The following XKRX variants were observed in gnomAD, a reference collection of about 807,000 sequenced individuals.
XKRX encodes XK-related protein 2.
In XKRX, 11 loss-of-function variants were observed where a neutral mutation model predicts 22.4. The observed-to-expected ratio is 0.49, with a 90% CI of 0.31 to 0.81. The LOEUF (loss-of-function observed/expected upper bound fraction) is 0.81. Ranked by LOEUF, XKRX falls within the 40% of genes least tolerant of loss-of-function variation. The pLI is 0.05. For missense variants in XKRX, 320 were observed against 336.5 expected, an observed-to-expected ratio of 0.95 and a Z score of 0.38; for synonymous variants, 114 against 132.2, an observed-to-expected ratio of 0.86 and a Z score of 0.94.
At chrX:100,897,006 C>T in the XKRX span, among the ~76,000 whole-genome samples, 1 of 111,510 alleles carries the variant, frequency 9.0e-6, no homozygotes, top group Non-Finnish European at 1.9e-5. Flanking sequence ...GACCGTACAT[C>T]CCTAATGATA....
At chrX:100,943,205 CCATAAA>C in the XKRX span, among the ~76,000 whole-genome samples, 385 of 111,737 alleles carry the variant, frequency 3.4e-3, 1 homozygote, top group Non-Finnish European at 6.3e-3. Flanking sequence ...TATGCATGTA[CCATAAA>C]CATAAATATT....
chrX:100,917,356 C>T (rs892931506), intron 2 of XKRX, among the ~76,000 whole-genome samples: 1 of 109,151 alleles, frequency 9.2e-6, no homozygotes, highest in African/African-American at 3.3e-5. Flanking sequence ...GTGGCTCACA[C>T]CTGTAATCCC....
the XKRX span, among the ~76,000 whole-genome samples, chrX:100,896,225 C>T: frequency 2.7e-5 from 3 of 111,643 alleles, no homozygotes; most frequent in Admixed American, 2.9e-4. Flanking sequence ...AGAGCAATCT[C>T]ACTTCCTGGA....
At chrX:100,957,882 G>A in the XKRX span, among the ~76,000 whole-genome samples, 1 of 111,410 alleles carries the variant, frequency 9.0e-6, no homozygotes, top group East Asian at 2.8e-4. Flanking sequence ...GGAATGTGCT[G>A]GGCTGCTGTT....
rs769704465 is a variant in XKRX at position 100,921,824 on chromosome X, C to CTT, written c.604+967_604+968dup. 8.5e-3 allele frequency among the ~76,000 whole-genome samples: 476 copies of CTT among 56,310 alleles called. 67 individuals carry two copies. The highest frequency in any genetic ancestry group is 0.012 in the Non-Finnish European group (381 of 31,909). 48.9% of individuals were successfully genotyped at this position (56,310 alleles called of 115,157 possible). ...GACTCTCATTAGTATTAACCCCACG[C>CTT]TTTTTTTTTTTTTTTTTTTTTTTTT... On this transcript the variant is annotated intron_variant, in intron 2 of 2. Coordinates refer to ENST00000372956, the MANE Select transcript of XKRX (RefSeq NM_212559.3).
rs762319717 is a variant in XKRX at position 100,928,261 on chromosome X, G to A, written c.44C>T (p.Pro15Leu). 2.5e-6 allele frequency: 3 copies of A among 1,211,159 alleles called. No homozygotes were observed. Among genetic ancestry groups the A allele is most frequent in the Non-Finnish European group, 3.4e-6 (3 of 895,420 alleles). ...YEIPEEPNVDPVSSLEEDVIR... is the reference protein window; with the variant it reads ...YEIPEEPNVDLVSSLEEDVIR... The stretch of plus-strand genomic sequence containing the variant: ...GACATCTTCCTCCAGAGATGAAACC[G>A]GATCCACATTTGGCTCCTCAGGAAT... Residue 15 changes from proline (P) to leucine (L), a missense_variant, in exon 1 of 3, where the codon CCG (proline) becomes CTG (leucine). Pro to Leu is a moderately conservative substitution (Grantham distance 98, BLOSUM62 -3). Coordinates refer to ENST00000372956, the MANE Select transcript of XKRX (RefSeq NM_212559.3).
At chrX:100,896,948 A>G in the XKRX span, among the ~76,000 whole-genome samples, 1 of 112,485 alleles carries the variant, frequency 8.9e-6, no homozygotes, top group Non-Finnish European at 1.9e-5. Context: ...AGTTGGTGGC[A>G]TAATCATACA....
the XKRX span, among the ~76,000 whole-genome samples, chrX:100,940,687 G>T: frequency 9.0e-6 from 1 of 111,251 alleles, no homozygotes; most frequent in Admixed American, 9.7e-5. Flanking sequence ...TCAAAATACT[G>T]ATTTCTTAGG....
chrX:100,887,957 A>G, the XKRX span: 2 of 1,083,765 alleles, frequency 1.8e-6, no homozygotes, highest in Non-Finnish European at 2.5e-6. Context: ...CAAAGTTGTC[A>G]TTCCCACAGA....
chrX:100,891,683 G>T, the XKRX span, among the ~76,000 whole-genome samples: 32 of 106,517 alleles, frequency 3.0e-4, no homozygotes, highest in African/African-American at 1.0e-3. Flanking sequence ...TTGAGCCCAG[G>T]AGTTTGAGAC....
chrX:100,889,159 G>A, the XKRX span, among the ~76,000 whole-genome samples: 2 of 106,116 alleles, frequency 1.9e-5, no homozygotes, highest in Non-Finnish European at 3.9e-5. Context: ...GGAATTGCTT[G>A]AACCCGGGAG....
downstream of XKRX, among the ~76,000 whole-genome samples, chrX:100,909,389 A>G (rs1347120493): frequency 1.8e-5 from 2 of 111,842 alleles, no homozygotes. Context: ...TGAAACCACT[A>G]ACACATTAAA....
chrX:100,922,769 C>T (rs754384910), intron 2 of XKRX, 24 bp downstream of exon 2: 2 of 1,196,138 alleles, frequency 1.7e-6, no homozygotes, highest in Non-Finnish European at 2.3e-6. Flanking sequence ...AACTGGAGCC[C>T]TCCCCTCTCC....
the XKRX span, among the ~76,000 whole-genome samples, chrX:100,905,696 A>G: frequency 8.7e-3 from 975 of 112,400 alleles, 9 homozygotes; most frequent in African/African-American, 0.029. Flanking sequence ...ACAAATAAAC[A>G]TAAGTTTCAT....
At chrX:100,892,281 A>G in the XKRX span, among the ~76,000 whole-genome samples, 1 of 112,025 alleles carries the variant, frequency 8.9e-6, no homozygotes, top group Non-Finnish European at 1.9e-5. Flanking sequence ...ATAATAATTT[A>G]ATTGTATAAG....
the XKRX span, among the ~76,000 whole-genome samples, chrX:100,946,527 G>A: frequency 8.9e-6 from 1 of 111,846 alleles, no homozygotes; most frequent in Non-Finnish European, 1.9e-5. Context: ...TATCTACAAA[G>A]GTGTGGGCAG....
chrX:100,927,549 G>A (rs1206889781), intron 1 of XKRX, among the ~76,000 whole-genome samples: 1 of 111,315 alleles, frequency 9.0e-6, no homozygotes, highest in Non-Finnish European at 1.9e-5. Flanking sequence ...TGAGGTGGGA[G>A]GTTCGCTTGA....
chrX:100,894,336 TAC>T, the XKRX span, among the ~76,000 whole-genome samples: 1 of 112,211 alleles, frequency 8.9e-6, no homozygotes, highest in African/African-American at 3.2e-5. Context: ...TCACAATACA[TAC>T]AGATATCAAA....
At chrX:100,913,383 T>TACACACACACAC (rs56001687), downstream of XKRX, 135 of 92,368 alleles carry the variant, frequency 1.5e-3, no homozygotes, top group African/African-American at 5.0e-3. Flanking sequence ...CACATACACA[T>TACACACACACAC]ACACACACAC....
Sources: allele counts gnomAD v4.1 joint callset (sites outside exome capture counted in the v4.1 genomes callset), GRCh38; gene constraint gnomAD v4.1.1; transcripts MANE v1.5; gene names NCBI Gene and HGNC (gene_info 2026-07-23, HGNC 2026-07-21).